ALPK1: variants seen among roughly 807,000 people sequenced by gnomAD.
ALPK1 encodes the protein alpha kinase 1, also known as alpha-protein kinase 1.
A neutral mutation model predicts 120.6 loss-of-function variants in ALPK1; 110 were observed. The observed-to-expected ratio is 0.91, with a 90% CI of 0.78 to 1.07. ALPK1 has a LOEUF of 1.07. Ranked by LOEUF, ALPK1 falls within the 50% of genes least tolerant of loss-of-function variation. The probability of loss-of-function intolerance (pLI) is 0.00; values close to 1 mark genes in which losing one functional copy is unlikely to be tolerated. For missense variants in ALPK1, 1,498 were observed against 1,483.9 expected (o/e 1.01, Z -0.16); for synonymous variants, 582 against 560.3 (o/e 1.04, Z -0.55).
chr4:112,402,442 GA>G (rs1732960569), intron 4 of ALPK1, among the ~76,000 whole-genome samples: 1 of 152,200 alleles, frequency 6.6e-6, no homozygotes, highest in African/African-American at 2.4e-5. Flanking sequence ...AGAGCCCTTA[GA>G]AAAGGCTCTT....
At chr4:112,331,544 G>C (rs578006950) in intron 2 of ALPK1, among the ~76,000 whole-genome samples, 69 of 152,274 alleles carry the variant, frequency 4.5e-4, no homozygotes, top group African/African-American at 1.6e-3. Flanking sequence ...TGTTTATTGG[G>C]AGGATTTATC....
Position 112,441,122 on chromosome 4 carries a change from A to G in ALPK1, c.3727+17A>G, listed in dbSNP as rs926909905. 30 of 1,613,794 alleles carry G rather than the reference A, an allele frequency of 1.9e-5. No individual in the cohort carries two copies. In the Admixed American group the frequency reaches 2.8e-4, roughly 15 times the overall value. On this transcript the variant is annotated intron_variant, in intron 15 of 15. Transcript: ENST00000650871. Reference sequence around the variant, plus strand: ...AGAAACCATGTAAGTCATAGGCTGTATGGATTGGTAATGTGACAGACCTTA... The same window carrying G: ...AGAAACCATGTAAGTCATAGGCTGTGTGGATTGGTAATGTGACAGACCTTA...
chr4:112,417,090 C>A (rs2148752995), intron 5 of ALPK1, among the ~76,000 whole-genome samples: 1 of 152,086 alleles, frequency 6.6e-6, no homozygotes, highest in South Asian at 2.1e-4. Context: ...TAGGTTTTGA[C>A]CTCGGATTTT....
chr4:112,421,661 A>G (rs949495610), intron 5 of ALPK1, among the ~76,000 whole-genome samples: 1 of 152,160 alleles, frequency 6.6e-6, no homozygotes, highest in Non-Finnish European at 1.5e-5. Flanking sequence ...CCCAAGCCTG[A>G]TTGCCATTAA....
At position 112,431,044 on chromosome 4, in the gene ALPK1, CATAG is replaced by C. The variant is rs1560686198; in HGVS notation, c.1501_1504del (p.Asp501LeufsTer2). The C allele has an allele frequency of 1.9e-6, 3 of 1,613,784 alleles. No homozygotes were observed. The highest frequency in any genetic ancestry group is 2.5e-6 in the Non-Finnish European group (3 of 1,179,938). On this transcript the variant is annotated frameshift_variant, in exon 11 of 16. Transcript: ENST00000650871. LOFTEE classifies it high-confidence loss of function. ...CTGCTCTAAAAACAGAAATAAAAAACATAGATACTGTGAGTACTACTCAAGAAAA... is the reference window on the plus strand; with the variant it reads ...CTGCTCTAAAAACAGAAATAAAAAACATACTGTGAGTACTACTCAAGAAAA...
intron 2 of ALPK1, among the ~76,000 whole-genome samples, chr4:112,371,931 G>T (rs1731428087): frequency 6.6e-6 from 1 of 152,226 alleles, no homozygotes; most frequent in Non-Finnish European, 1.5e-5. Flanking sequence ...TAATTTAAGA[G>T]CTAGAAGCAT....
At chr4:112,373,418 C>T (rs555552966) in intron 2 of ALPK1, among the ~76,000 whole-genome samples, 1 of 152,304 alleles carries the variant, frequency 6.6e-6, no homozygotes, top group South Asian at 2.1e-4. Context: ...AACGTTGTGA[C>T]TTATAGACAT....
At chr4:112,349,556 C>CCCT (rs1553939390) in intron 2 of ALPK1, among the ~76,000 whole-genome samples, 1 of 142,618 alleles carries the variant, frequency 7.0e-6, no homozygotes. Context: ...CCCCTGCCCC[C>CCCT]CCCCGCTTTA....
chr4:112,390,407 C>T (rs1037114061), intron 4 of ALPK1, among the ~76,000 whole-genome samples: 2 of 152,192 alleles, frequency 1.3e-5, no homozygotes. Flanking sequence ...TAAGGTATCA[C>T]CTTTTCAAAG....
At position 112,430,785 on chromosome 4, in the gene ALPK1, C is replaced by T. The variant is rs1447358075; in HGVS notation, c.1238C>T (p.Ala413Val). 1 of 1,614,060 alleles carries T rather than the reference C, an allele frequency of 6.2e-7. No homozygotes were observed. Among genetic ancestry groups the T allele is most frequent in the Non-Finnish European group, 8.5e-7 (1 of 1,180,020 alleles). The stretch of plus-strand genomic sequence containing the variant: ...TCTCAAGAAGTTATGTCTGTGATTG[C>T]CCAGGTGAAGGAACATTTACAAGTT... ...ALSQEVMSVI[A>V]QVKEHLQVQS... Residue 413 changes from alanine (A) to valine (V), a missense_variant, in exon 11 of 16, where the codon GCC (alanine) becomes GTC (valine). Ala to Val is a moderately conservative substitution (Grantham distance 64). Transcript: ENST00000650871.
intron 9 of ALPK1, 142 bp downstream of exon 9, chr4:112,427,807 G>C (rs1439214113): frequency 4.6e-6 from 3 of 647,446 alleles, no homozygotes; most frequent in Admixed American, 4.7e-5. Context: ...AGGAATCCTG[G>C]GGAGGAGTCT....
At chr4:112,364,883 G>A (rs961973439) in intron 2 of ALPK1, among the ~76,000 whole-genome samples, 1 of 152,160 alleles carries the variant, frequency 6.6e-6, no homozygotes, top group African/African-American at 2.4e-5. Flanking sequence ...TCATACCAGG[G>A]ATGCAGGGAT....
intron 2 of ALPK1, among the ~76,000 whole-genome samples, chr4:112,320,091 G>T (rs1321548142): frequency 6.6e-6 from 1 of 152,190 alleles, no homozygotes; most frequent in African/African-American, 2.4e-5. Context: ...TTGAATAGAA[G>T]TTGTGAAAGT....
intron 1 of ALPK1, among the ~76,000 whole-genome samples, chr4:112,304,019 G>C (rs966127380): frequency 6.6e-6 from 1 of 151,994 alleles, no homozygotes; most frequent in Non-Finnish European, 1.5e-5. Flanking sequence ...TTGTCCTTGC[G>C]ATAGTTTGCT....
At chr4:112,341,131 G>A (rs1261267011) in intron 2 of ALPK1, among the ~76,000 whole-genome samples, 1 of 152,150 alleles carries the variant, frequency 6.6e-6, no homozygotes, top group Non-Finnish European at 1.5e-5. Flanking sequence ...GTGCGTGTGT[G>A]TTTTATATCT....
chr4:112,377,987 A>C, intron 3 of ALPK1, 89 bp downstream of exon 3: 1 of 1,362,894 alleles, frequency 7.3e-7, no homozygotes, highest in South Asian at 1.8e-5. Flanking sequence ...TCTCTGCCCT[A>C]TTTTTCTTCT....
intron 1 of ALPK1, among the ~76,000 whole-genome samples, chr4:112,304,712 C>G (rs1244291382): frequency 6.6e-6 from 1 of 152,098 alleles, no homozygotes; most frequent in African/African-American, 2.4e-5. Flanking sequence ...CCTGTTCACT[C>G]TGATGGTAGT....
chr4:112,351,710 G>A (rs1402593409), intron 2 of ALPK1, among the ~76,000 whole-genome samples: 2 of 152,112 alleles, frequency 1.3e-5, no homozygotes, highest in African/African-American at 4.8e-5. Flanking sequence ...CTGACCTCAG[G>A]TGATCTGCCC....
At chr4:112,309,184 A>T (rs962081067) in intron 1 of ALPK1, among the ~76,000 whole-genome samples, 1 of 152,072 alleles carries the variant, frequency 6.6e-6, no homozygotes, top group Non-Finnish European at 1.5e-5. Flanking sequence ...CAGTTAGGCT[A>T]CTTGGGGGTC....
Sources: gnomAD v4.1 joint callset for allele counts (sites outside exome capture counted in the v4.1 genomes callset) on GRCh38, gnomAD v4.1.1 for gene constraint, MANE v1.5 for transcripts, NCBI Gene and HGNC (gene_info 2026-07-23, HGNC 2026-07-21) for gene names.